Variants in CSMD2 observed in about 807,000 individuals in gnomAD.
CSMD2 encodes the protein CUB and Sushi multiple domains 2, also known as CUB and sushi domain-containing protein 2.
In CSMD2, 130 loss-of-function variants were observed where a neutral mutation model predicts 398.5. That is an observed-to-expected ratio of 0.33 (90% confidence interval 0.28 to 0.38). The LOEUF is 0.38. Among genes scored for constraint, CSMD2 ranks in the 10% least tolerant of loss-of-function variants. The pLI, the probability that CSMD2 is intolerant of heterozygous loss-of-function variation, is 1.00. For synonymous variants in CSMD2, 1,828 were observed against 1,908.5 expected (o/e 0.96, Z 1.10); for missense variants, 3,829 against 4,764.9 (o/e 0.80, Z 5.78).
intron 25 of CSMD2, among the ~76,000 whole-genome samples, chr1:33,690,456 T>G (rs560196365): frequency 1.3e-5 from 2 of 152,344 alleles, no homozygotes; most frequent in Admixed American, 1.3e-4. Flanking sequence ...TGGACAGACA[T>G]GTGCGTCTGC....
chr1:33,743,175 A>C, intron 14 of CSMD2, 105 bp downstream of exon 14: 1 of 919,618 alleles, frequency 1.1e-6, no homozygotes, highest in Non-Finnish European at 1.6e-6. Flanking sequence ...TGCCCTGGGA[A>C]CTGCCCCATC....
chr1:34,142,176 G>T (rs940178243), intron 1 of CSMD2, among the ~76,000 whole-genome samples: 1 of 152,146 alleles, frequency 6.6e-6, no homozygotes, highest in African/African-American at 2.4e-5. Flanking sequence ...TTCTTTTGCT[G>T]CCACGGCCTT....
intron 44 of CSMD2, chr1:33,600,504 C>A: frequency 2.0e-6 from 1 of 508,586 alleles, no homozygotes; most frequent in Admixed American, 3.7e-5. Flanking sequence ...AGCCCTAGAT[C>A]CCTTTGGAGA....
At chr1:33,676,693 T>C (rs1011815623) in intron 25 of CSMD2, among the ~76,000 whole-genome samples, 2 of 152,186 alleles carry the variant, frequency 1.3e-5, no homozygotes, top group African/African-American at 4.8e-5. Context: ...GGCATCACAC[T>C]ACCTGACTTC....
chr1:33,672,494 C>T (rs1258420041), intron 25 of CSMD2, among the ~76,000 whole-genome samples: 1 of 152,222 alleles, frequency 6.6e-6, no homozygotes, highest in South Asian at 2.1e-4. Context: ...CCCACCACAG[C>T]TCAAGGAGCC....
At chr1:33,570,333 AT>A (rs57025243) in intron 51 of CSMD2, among the ~76,000 whole-genome samples, 10,296 of 140,608 alleles carry the variant, frequency 0.073, 1,195 homozygotes, top group African/African-American at 0.25. Context: ...ATGCTGGCTA[AT>A]TTTTTTTTTT....
chr1:33,595,201 G>C (rs1570873766), intron 44 of CSMD2, among the ~76,000 whole-genome samples: 1 of 152,292 alleles, frequency 6.6e-6, no homozygotes, highest in East Asian at 1.9e-4. Context: ...GTCTGGAATG[G>C]TTCCAGTGTC....
chr1:34,081,022 G>A (rs1657035111), intron 2 of CSMD2, among the ~76,000 whole-genome samples: 1 of 151,880 alleles, frequency 6.6e-6, no homozygotes, highest in Non-Finnish European at 1.5e-5. Context: ...CAGACACCAT[G>A]GAGAAAGAAA....
chr1:33,581,144 AT>A (rs1638670705), intron 47 of CSMD2, among the ~76,000 whole-genome samples: 1 of 152,088 alleles, frequency 6.6e-6, no homozygotes, highest in Non-Finnish European at 1.5e-5. Flanking sequence ...GATGAAATTG[AT>A]TTGCATTTTG....
rs538409037 is a variant in CSMD2 at position 33,677,119 on chromosome 1, T to C, written c.4053-14027A>G. On this transcript the variant is annotated intron_variant, in intron 25 of 70. Transcript: ENST00000373381. ...GCCAAAATTGACAAATGGGATCTAA[T>C]TAAACTAAAGAGCTTCTGCACAGCA... 2.6e-5 allele frequency among the ~76,000 whole-genome samples: 4 copies of C among 152,234 alleles called. No individual in the cohort carries two copies. The East Asian group carries it at 7.7e-4, about 29-fold the overall frequency.
At chr1:33,534,956 C>T (rs944074034) in intron 62 of CSMD2, among the ~76,000 whole-genome samples, 3 of 152,090 alleles carry the variant, frequency 2.0e-5, no homozygotes, top group African/African-American at 4.8e-5. Flanking sequence ...TCCTCCTTGC[C>T]TAAGTGCATC....
In CSMD2 at chr1:33,636,837, C is replaced by A. The variant is rs886646956; in HGVS notation, c.4775-283G>T. Among the ~76,000 whole-genome samples the A allele has an allele frequency of 6.6e-5, 10 of 152,112 alleles. No individual in the cohort carries two copies. Among genetic ancestry groups the A allele is most frequent in the Admixed American group, 1.3e-4 (2 of 15,278 alleles). ...GGCCCAGCAAAATCGCTGAGGCCCT[C>A]TCTCATCCCCTGCTTGCTCCTCCCC... is the stretch of plus-strand genomic sequence containing the variant. On this transcript the variant is annotated intron_variant, in intron 29 of 70. Transcript: ENST00000373381. The surrounding 1 kb of genome is among the most constrained non-coding windows in gnomAD (Gnocchi z 4.8).
At chr1:33,818,895 A>C (rs1272105173) in intron 9 of CSMD2, among the ~76,000 whole-genome samples, 1 of 152,164 alleles carries the variant, frequency 6.6e-6, no homozygotes. Flanking sequence ...TGCCAAAGAG[A>C]GGCAAAGAAT....
At chr1:33,734,630 C>A (rs187249465) in intron 15 of CSMD2, among the ~76,000 whole-genome samples, 89 of 151,964 alleles carry the variant, frequency 5.9e-4, no homozygotes, top group African/African-American at 2.1e-3. Context: ...ACTAAGAATA[C>A]AAAAATTAGC....
chr1:34,136,265 A>G (rs913668995), intron 1 of CSMD2, among the ~76,000 whole-genome samples: 13 of 152,232 alleles, frequency 8.5e-5, no homozygotes, highest in African/African-American at 2.9e-4. Flanking sequence ...CCTCACATCC[A>G]TTAAACAAGG....
rs140023650 is a variant in CSMD2, at chr1:33,621,812, C to T, written c.5827+355G>A. Among the ~76,000 whole-genome samples the T allele has an allele frequency of 6.9e-3, 1,047 of 152,188 alleles. 35 individuals are homozygous for T. Among genetic ancestry groups the T allele is most frequent in the Admixed American group, 0.057 (866 of 15,278 alleles). ...TGAAAGGAGGAACTTCAAAAATAAT[C>T]GCATCATAGAACTAGGGGTTAGAAA... On this transcript the variant is annotated intron_variant, in intron 37 of 70. Coordinates refer to ENST00000373381, the MANE Select transcript of CSMD2 (RefSeq NM_001281956.2).
chr1:34,081,472 G>C (rs560615985), intron 2 of CSMD2, among the ~76,000 whole-genome samples: 1 of 146,772 alleles, frequency 6.8e-6, no homozygotes, highest in African/African-American at 2.5e-5. Context: ...CTCTGTTGCC[G>C]AGGCTGGATT....
At chr1:33,858,212 C>T (rs1639233860) in intron 5 of CSMD2, among the ~76,000 whole-genome samples, 2 of 152,232 alleles carry the variant, frequency 1.3e-5, no homozygotes, top group African/African-American at 4.8e-5. Context: ...ACCTCCTGGA[C>T]TTAGAACATC....
chr1:33,808,191 T>C (rs1484580902), intron 10 of CSMD2, among the ~76,000 whole-genome samples: 1 of 152,102 alleles, frequency 6.6e-6, no homozygotes, highest in African/African-American at 2.4e-5. Context: ...AAGATTTTAA[T>C]ATTCCTCCCT....
Sources: allele counts gnomAD v4.1 joint callset (sites outside exome capture counted in the v4.1 genomes callset), GRCh38; gene constraint gnomAD v4.1.1; non-coding constraint Gnocchi (gnomAD v3.1); transcripts MANE v1.5; gene names NCBI Gene and HGNC (gene_info 2026-07-23, HGNC 2026-07-21).